Variants in SHC3 observed in about 807,000 individuals in gnomAD.
The protein encoded by SHC3 is SHC adaptor protein 3.
A neutral mutation model predicts 60.4 loss-of-function variants in SHC3; 15 were observed. The ratio of observed to expected loss-of-function variants is 0.25; its 90% CI spans 0.17 to 0.38. The LOEUF is 0.38. Among genes scored for constraint, SHC3 ranks in the 10% least tolerant of loss-of-function variants. The pLI, the probability that SHC3 is intolerant of heterozygous loss-of-function variation, is 1.00. For missense variants in SHC3, 677 were observed against 786.1 expected, an observed-to-expected ratio of 0.86 and a Z score of 1.66; for synonymous variants, 294 against 325.9, an observed-to-expected ratio of 0.90 and a Z score of 1.05.
intron 1 of SHC3, among the ~76,000 whole-genome samples, chr9:89,176,768 G>A (rs1475305477): frequency 6.6e-6 from 1 of 152,180 alleles, no homozygotes; most frequent in African/African-American, 2.4e-5. Context: ...CTGAAAAGGT[G>A]AAGAAGCCCT....
chr9:89,016,344 T>C (rs1394321859), intron 11 of SHC3, among the ~76,000 whole-genome samples: 1 of 152,136 alleles, frequency 6.6e-6, no homozygotes, highest in Non-Finnish European at 1.5e-5. Context: ...CAACATATGA[T>C]AGGTTTATTG....
chr9:89,109,772 G>C, intron 2 of SHC3: 1 of 985,502 alleles, frequency 1.0e-6, no homozygotes, highest in Non-Finnish European at 1.2e-6. Context: ...ACCAGGGCTT[G>C]TTTGCTCTTT....
chr9:89,085,792 C>A (rs1298818381), intron 2 of SHC3, among the ~76,000 whole-genome samples: 1 of 152,194 alleles, frequency 6.6e-6, no homozygotes, highest in Non-Finnish European at 1.5e-5. Context: ...GGCTCATCAA[C>A]CCTCAAGGCA....
intron 1 of SHC3, among the ~76,000 whole-genome samples, chr9:89,157,379 G>A (rs958883538): frequency 3.9e-5 from 6 of 152,248 alleles, no homozygotes; most frequent in African/African-American, 1.4e-4. Flanking sequence ...ACAGCTAGAA[G>A]CCTTAGAAGC....
chr9:89,015,720 G>C (rs569330392), intron 11 of SHC3, among the ~76,000 whole-genome samples: 21 of 152,294 alleles, frequency 1.4e-4, no homozygotes, highest in African/African-American at 4.6e-4. Flanking sequence ...AAACCACTGG[G>C]CAGCCAGGAC....
chr9:89,146,502 T>C (rs1453837250), intron 1 of SHC3, among the ~76,000 whole-genome samples: 2 of 151,968 alleles, frequency 1.3e-5, no homozygotes, highest in African/African-American at 2.4e-5. Flanking sequence ...GAATAATCAA[T>C]GAAATTAATT....
chr9:89,120,278 T>C (rs1468724533), intron 1 of SHC3, among the ~76,000 whole-genome samples: 1 of 152,062 alleles, frequency 6.6e-6, no homozygotes, highest in Non-Finnish European at 1.5e-5. Context: ...ATAGGTAGCA[T>C]GAAAAGGCAA....
chr9:89,173,857 A>G (rs1826905450), intron 1 of SHC3, among the ~76,000 whole-genome samples: 1 of 152,226 alleles, frequency 6.6e-6, no homozygotes, highest in African/African-American at 2.4e-5. Flanking sequence ...ATGTCAAAAG[A>G]AATTCTTAAA....
chr9:89,079,235 C>T (rs894841158), intron 2 of SHC3, among the ~76,000 whole-genome samples: 2 of 152,188 alleles, frequency 1.3e-5, no homozygotes, highest in Non-Finnish European at 2.9e-5. Context: ...TGACCAATCA[C>T]GTATCATCTA....
chr9:89,112,689 C>T (rs1457268854), intron 1 of SHC3, 63 bp from the exon 2 acceptor site: 34 of 1,458,314 alleles, frequency 2.3e-5, no homozygotes, highest in Non-Finnish European at 2.9e-5. Context: ...CAACTCCTAA[C>T]TATACAAGGG....
At chr9:89,128,610 C>T (rs1826197437) in intron 1 of SHC3, among the ~76,000 whole-genome samples, 1 of 152,186 alleles carries the variant, frequency 6.6e-6, no homozygotes, top group Admixed American at 6.6e-5. Flanking sequence ...TGTTCTTCAG[C>T]CTCCGCTGGT....
At chr9:89,092,607 C>T (rs1825640086) in intron 2 of SHC3, among the ~76,000 whole-genome samples, 3 of 128,232 alleles carry the variant, frequency 2.3e-5, no homozygotes, top group Admixed American at 8.6e-5. Context: ...CAGGGCAAGA[C>T]TCTGTCTCAA....
At chr9:89,109,400 A>G in intron 2 of SHC3, 1 of 981,460 alleles carries the variant, frequency 1.0e-6, no homozygotes, top group Non-Finnish European at 1.2e-6. Flanking sequence ...ATACATACAT[A>G]GAGTTGGGAC....
chr9:89,165,809 G>T (rs767489225), intron 1 of SHC3, among the ~76,000 whole-genome samples: 2 of 152,170 alleles, frequency 1.3e-5, no homozygotes, highest in Non-Finnish European at 2.9e-5. Flanking sequence ...TAGATGGGCA[G>T]GTTGCACCAC....
In SHC3 at chr9:89,140,829, G is replaced by A. The variant is rs569865120; in HGVS notation, c.475-28203C>T. 5.3e-5 allele frequency among the ~76,000 whole-genome samples: 8 copies of A among 152,152 alleles called. No homozygotes were observed. In the South Asian group the frequency reaches 1.7e-3, roughly 32 times the overall value. On this transcript the variant is annotated intron_variant, in intron 1 of 11. Coordinates refer to ENST00000375835, the MANE Select transcript of SHC3 (RefSeq NM_016848.6). ...TTCTCTTATGTCGGCATTAACAGTG[G>A]CAAAAAGACAAAATGAAGAAAAACA...
chr9:89,145,318 A>ACTTCTTGTATAGATGT (rs1826453480), intron 1 of SHC3, among the ~76,000 whole-genome samples: 3 of 152,230 alleles, frequency 2.0e-5, no homozygotes, highest in Admixed American at 2.0e-4. Context: ...TGCCAAGAGA[A>ACTTCTTGTATAGATGT]TGCCTTGTAT....
chr9:89,176,765 G>C (rs1215867647), intron 1 of SHC3, among the ~76,000 whole-genome samples: 1 of 152,174 alleles, frequency 6.6e-6, no homozygotes, highest in Non-Finnish European at 1.5e-5. Context: ...AGACTGAAAA[G>C]GTGAAGAAGC....
At chr9:89,027,327 A>ATTTTTTTTTTTTTTTTTTTTT (rs540788767) in intron 11 of SHC3, among the ~76,000 whole-genome samples, 4 of 130,348 alleles carry the variant, frequency 3.1e-5, no homozygotes, top group African/African-American at 1.3e-4. Flanking sequence ...TGAAATTCTG[A>ATTTTTTTTTTTTTTTTTTTTT]TTTTTTTTTT....
intron 2 of SHC3, among the ~76,000 whole-genome samples, chr9:89,111,857 T>C (rs1035569625): frequency 1.3e-5 from 2 of 152,226 alleles, no homozygotes; most frequent in African/African-American, 4.8e-5. Context: ...CCTAAGCTCC[T>C]TGACCACAGA....
Sources: allele counts gnomAD v4.1 joint callset (sites outside exome capture counted in the v4.1 genomes callset), GRCh38; gene constraint gnomAD v4.1.1; transcripts MANE v1.5; gene names NCBI Gene and HGNC (gene_info 2026-07-23, HGNC 2026-07-21).